Variants in SPPL3 observed in about 807,000 individuals in gnomAD.
SPPL3 encodes the protein signal peptide peptidase like 3, also known as signal peptide peptidase-like 3.
SPPL3 carries 5 observed loss-of-function variants against 42.4 expected under a neutral mutation model. That is an observed-to-expected ratio of 0.12 (90% confidence interval 0.06 to 0.25). The LOEUF is 0.25. Ranked by LOEUF, SPPL3 falls within the 10% of genes least tolerant of loss-of-function variation. The pLI is 1.00. For synonymous variants in SPPL3, 195 were observed against 181.8 expected, an observed-to-expected ratio of 1.07 and a Z score of -0.58; for missense variants, 235 against 489.0, an observed-to-expected ratio of 0.48 and a Z score of 4.90.
chr12:120,873,596 C>T (rs1299308187), intron 1 of SPPL3, among the ~76,000 whole-genome samples: 2 of 152,036 alleles, frequency 1.3e-5, no homozygotes, highest in African/African-American at 2.4e-5. Flanking sequence ...AAAATGAGTC[C>T]GTGCACAGTG....
chr12:120,834,981 G>C (rs1871558826), intron 1 of SPPL3, among the ~76,000 whole-genome samples: 1 of 152,154 alleles, frequency 6.6e-6, no homozygotes, highest in African/African-American at 2.4e-5. Flanking sequence ...TTATAGGGGT[G>C]AAAAATGAGG....
At chr12:120,808,312 G>A (rs1409069864) in intron 2 of SPPL3, among the ~76,000 whole-genome samples, 4 of 152,000 alleles carry the variant, frequency 2.6e-5, no homozygotes, top group Admixed American at 6.6e-5. Context: ...CTGGGCTCAG[G>A]GCATCTGCCT....
intron 3 of SPPL3, among the ~76,000 whole-genome samples, chr12:120,790,544 T>A (rs187413588): frequency 5.8e-4 from 89 of 152,308 alleles, no homozygotes; most frequent in African/African-American, 1.8e-3. Flanking sequence ...TATTATATGT[T>A]CCCCTAACCT....
At chr12:120,792,573 G>A (rs927335594) in intron 2 of SPPL3, among the ~76,000 whole-genome samples, 1 of 151,856 alleles carries the variant, frequency 6.6e-6, no homozygotes, top group Non-Finnish European at 1.5e-5. Flanking sequence ...GGTGGTGCGT[G>A]CCGGTAGTTC....
At chr12:120,790,999 T>A (rs1243250319) in intron 3 of SPPL3, among the ~76,000 whole-genome samples, 4 of 152,156 alleles carry the variant, frequency 2.6e-5, no homozygotes, top group African/African-American at 9.7e-5. Flanking sequence ...ATTTTGTATT[T>A]TTAGTAGATA....
rs1874050217 is a variant in SPPL3, at chr12:120,903,518, C to T, written c.23+327G>A. ...ACCCCCACGAGTCAGTTCCGGGGTG[C>T]CTGTCGGATTCAACTTCCCATCCGT... On this transcript the variant is annotated intron_variant, in intron 1 of 10. Transcript: ENST00000353487. 4.6e-5 allele frequency: 17 copies of T among 369,452 alleles called. No homozygotes were observed. In the South Asian group the frequency reaches 5.5e-4, roughly 12 times the overall value. 22.9% of individuals were successfully genotyped at this position (369,452 alleles called of 1,614,324 possible).
At chr12:120,864,121 C>T (rs646109) in intron 1 of SPPL3, among the ~76,000 whole-genome samples, 152,302 of 152,364 alleles carry the variant, frequency 1, 76,120 homozygotes, top group Middle Eastern at 1. Context: ...ACATCATGCA[C>T]TGGTAAGTTA....
At chr12:120,834,302 C>A (rs917727181) in intron 1 of SPPL3, among the ~76,000 whole-genome samples, 4 of 152,182 alleles carry the variant, frequency 2.6e-5, no homozygotes, top group Admixed American at 6.5e-5. Flanking sequence ...GCCAACTATG[C>A]CCCTGGTTAA....
At chr12:120,876,540 C>T (rs1450349451) in intron 1 of SPPL3, among the ~76,000 whole-genome samples, 1 of 141,624 alleles carries the variant, frequency 7.1e-6, no homozygotes, top group African/African-American at 2.6e-5. Context: ...TGGCGTGAAC[C>T]TGGGAGGCAG....
At chr12:120,787,353 G>A (rs1157447359) in intron 3 of SPPL3, among the ~76,000 whole-genome samples, 1 of 152,170 alleles carries the variant, frequency 6.6e-6, no homozygotes, top group African/African-American at 2.4e-5. Flanking sequence ...GGGCAGGGGT[G>A]TACATGGCTT....
At chr12:120,793,310 A>G (rs1175308056) in intron 2 of SPPL3, among the ~76,000 whole-genome samples, 1 of 152,210 alleles carries the variant, frequency 6.6e-6, no homozygotes, top group Non-Finnish European at 1.5e-5. Flanking sequence ...CATGTGGGCA[A>G]CACAGTGAGA....
intron 1 of SPPL3, among the ~76,000 whole-genome samples, chr12:120,882,686 AC>A (rs766010410): frequency 1.3e-5 from 2 of 152,164 alleles, no homozygotes; most frequent in African/African-American, 2.4e-5. Flanking sequence ...AAAGCATATA[AC>A]AAAACACTAT....
At chr12:120,792,696 C>CAAA (rs57603403) in intron 2 of SPPL3, among the ~76,000 whole-genome samples, 1,155 of 71,626 alleles carry the variant, frequency 0.016, 40 homozygotes, top group African/African-American at 0.048. Context: ...GAGACTGTCT[C>CAAA]AAAAAAAAAA....
intron 1 of SPPL3, among the ~76,000 whole-genome samples, chr12:120,849,036 T>C (rs1374853210): frequency 6.6e-6 from 1 of 152,058 alleles, no homozygotes; most frequent in Admixed American, 6.6e-5. Context: ...TGGTGGCACA[T>C]GTCTATATTC....
rs199793508 is a variant in SPPL3, at chr12:120,765,570, G to GC, written c.1084-501dup. ...GGGGGTTACAGGCGTGAGCCACCAT[G>GC]CCCCTGGCCCCTTTCTGATGCTTGA... On this transcript the variant is annotated intron_variant, in intron 10 of 10. Transcript: ENST00000353487. Among the ~76,000 whole-genome samples, 723 of 152,346 alleles carry GC rather than the reference G, an allele frequency of 4.7e-3. 7 individuals carry two copies. Among genetic ancestry groups the GC allele is most frequent in the African/African-American group, 0.017 (693 of 41,578 alleles).
intron 9 of SPPL3, among the ~76,000 whole-genome samples, chr12:120,767,087 G>A (rs979639655): frequency 2.6e-5 from 4 of 152,146 alleles, no homozygotes; most frequent in Admixed American, 1.3e-4. Flanking sequence ...AAATAAATAC[G>A]ACAGTCATTC....
intron 10 of SPPL3, among the ~76,000 whole-genome samples, chr12:120,765,393 T>C (rs990643739): frequency 6.6e-6 from 1 of 152,056 alleles, no homozygotes; most frequent in African/African-American, 2.4e-5. Context: ...GTTCAAGCGA[T>C]TCTCTTGCCT....
intron 1 of SPPL3, among the ~76,000 whole-genome samples, chr12:120,874,393 C>A (rs531031015): frequency 7.1e-6 from 1 of 141,612 alleles, no homozygotes; most frequent in Non-Finnish European, 1.5e-5. Flanking sequence ...GCAGAGGTTG[C>A]AGTGAGCTGA....
chr12:120,803,028 C>A (rs1418118540), intron 2 of SPPL3, among the ~76,000 whole-genome samples: 1 of 152,162 alleles, frequency 6.6e-6, no homozygotes, highest in Non-Finnish European at 1.5e-5. Flanking sequence ...AACATTATAT[C>A]CTCTTTATGA....
Sources: gnomAD v4.1 joint callset for allele counts (sites outside exome capture counted in the v4.1 genomes callset) on GRCh38, gnomAD v4.1.1 for gene constraint, MANE v1.5 for transcripts, NCBI Gene and HGNC (gene_info 2026-07-23, HGNC 2026-07-21) for gene names.